Variants in NLRP7 observed in about 807,000 individuals in gnomAD.
NLRP7 encodes NLR family pyrin domain containing 7, also known as NACHT, LRR and PYD domains-containing protein 7.
A neutral mutation model predicts 85.5 loss-of-function variants in NLRP7; 72 were observed. That is an observed-to-expected ratio of 0.84 (90% CI 0.70 to 1.02). NLRP7 has a LOEUF of 1.02. Among genes scored for constraint, NLRP7 ranks in the 50% least tolerant of loss-of-function variants. The pLI is 0.00. For missense variants in NLRP7, 1,243 were observed against 1,219.5 expected, an observed-to-expected ratio of 1.02 and a Z score of -0.29; for synonymous variants, 550 against 505.2, an observed-to-expected ratio of 1.09 and a Z score of -1.19.
chr19:54,946,897 C>A (rs1484532650), intron 1 of NLRP7, among the ~76,000 whole-genome samples: 2 of 151,896 alleles, frequency 1.3e-5, no homozygotes, highest in Non-Finnish European at 2.9e-5. Context: ...GCCTCGGCCT[C>A]CCAAAGTGTT....
At chr19:54,960,885 A>ACACTGGGCCCCC (rs1555750594) in intron 1 of NLRP7, among the ~76,000 whole-genome samples, 6 of 151,812 alleles carry the variant, frequency 4.0e-5, no homozygotes, top group South Asian at 2.1e-4. Context: ...GTGAGCCACC[A>ACACTGGGCCCCC]TGCCCAGCAC....
intron 1 of NLRP7, among the ~76,000 whole-genome samples, chr19:54,961,488 G>C (rs1222567983): frequency 6.9e-6 from 1 of 145,806 alleles, no homozygotes; most frequent in Non-Finnish European, 1.5e-5. Context: ...ACAACAGAGA[G>C]ACTTCATCTC....
In NLRP7 at chr19:54,938,257, C is replaced by A. The variant is rs181132927; in HGVS notation, c.1932-16G>T. 3 of 1,610,778 alleles carry A rather than the reference C, an allele frequency of 1.9e-6. No individual in the cohort carries two copies. Among genetic ancestry groups the A allele is most frequent in the Non-Finnish European group, 2.5e-6 (3 of 1,177,070 alleles). ...GTAAGTGCACCTGCAGGAGAACACA[C>A]GTTCATCTCTTAGGACTAGTACCTG... On this transcript the variant is annotated splice_polypyrimidine_tract_variant and intron_variant, in intron 4 of 9. Transcript: ENST00000340844.
chr19:54,942,255 CAAAAAAAAAAAAAAA>C (rs576434793), intron 1 of NLRP7, among the ~76,000 whole-genome samples: 1 of 59,442 alleles, frequency 1.7e-5, no homozygotes, highest in Non-Finnish European at 3.1e-5. Flanking sequence ...GACTCCGTCT[CAAAAAAAAAAAAAAA>C]AAAAAAAAAA....
chr19:54,952,354 A>T (rs1349681411), upstream of NLRP7, among the ~76,000 whole-genome samples: 1 of 151,930 alleles, frequency 6.6e-6, no homozygotes, highest in Non-Finnish European at 1.5e-5. Flanking sequence ...GCACTTTGGG[A>T]GGCCAAGGCA....
At chr19:54,962,781 A>T (rs1174353710) in intron 1 of NLRP7, among the ~76,000 whole-genome samples, 1 of 149,396 alleles carries the variant, frequency 6.7e-6, no homozygotes, top group African/African-American at 2.5e-5. Flanking sequence ...TTGTATTTTT[A>T]GTAGAGACGG....
At chr19:54,953,640 T>C (rs947487580) in intron 1 of NLRP7, among the ~76,000 whole-genome samples, 1 of 151,502 alleles carries the variant, frequency 6.6e-6, no homozygotes. Flanking sequence ...AGTTTTTACT[T>C]TTTCTTTCTT....
intron 1 of NLRP7, among the ~76,000 whole-genome samples, chr19:54,958,986 T>G (rs189409844): frequency 6.6e-6 from 1 of 152,196 alleles, no homozygotes; most frequent in African/African-American, 2.4e-5. Flanking sequence ...ATGCCTGGAA[T>G]CTATGGATAA....
chr19:54,941,702 G>C (rs1305389659), exon 2 of NLRP7: 13 of 1,612,516 alleles, frequency 8.1e-6, no homozygotes, highest in Non-Finnish European at 1.0e-5. Flanking sequence ...TCTAGCTGGG[G>C]CGATGTCATA....
chr19:54,945,951 A>G (rs1320264575), intron 1 of NLRP7, among the ~76,000 whole-genome samples: 3 of 151,860 alleles, frequency 2.0e-5, no homozygotes, highest in Admixed American at 6.6e-5. Context: ...CACTATGCCC[A>G]GCTAATTTTT....
chr19:54,953,929 C>T (rs1206865729), intron 1 of NLRP7, among the ~76,000 whole-genome samples: 1 of 151,846 alleles, frequency 6.6e-6, no homozygotes, highest in Non-Finnish European at 1.5e-5. Context: ...ACGGCGTGAA[C>T]CCGGGTGATG....
rs1298399106 is a variant in NLRP7, at chr19:54,941,604, G to A, written c.108C>T (p.Asp36=). 5 of 1,613,914 alleles carry A rather than the reference G, an allele frequency of 3.1e-6. No homozygotes were observed. The East Asian group carries it at 6.7e-5, about 22-fold the overall frequency. ...CAGACCATGGGGTCTTCTGTAGCAC[G>A]TCTTCGAGGGGAAAAGCCCATAAAA... is the stretch of plus-strand genomic sequence containing the variant. The change falls in exon 2 of 10, where the codon GAC becomes GAT. Residue 36 remains aspartate, a synonymous_variant. Transcript: ENST00000340844.
At chr19:54,958,129 C>T (rs902538539) in intron 1 of NLRP7, among the ~76,000 whole-genome samples, 1 of 151,818 alleles carries the variant, frequency 6.6e-6, no homozygotes, top group African/African-American at 2.4e-5. Flanking sequence ...GCAGGAGAAT[C>T]GCTTGGTTTG....
chr19:54,950,097 C>A (rs1326730979), upstream of NLRP7, among the ~76,000 whole-genome samples: 1 of 149,876 alleles, frequency 6.7e-6, no homozygotes, highest in Admixed American at 6.6e-5. Context: ...GTTAGACTGT[C>A]TCAAAAAAAA....
intron 1 of NLRP7, among the ~76,000 whole-genome samples, chr19:54,952,689 T>C (rs554296695): frequency 3.3e-5 from 5 of 152,174 alleles, no homozygotes; most frequent in African/African-American, 1.2e-4. Flanking sequence ...TTAAACTTCC[T>C]TCTCTTCTGC....
At chr19:54,947,807 AT>A (rs1315497764), upstream of NLRP7, 1 of 414,612 alleles carries the variant, frequency 2.4e-6, no homozygotes, top group Admixed American at 3.3e-5. Context: ...GGAAATACAC[AT>A]TTTGGGTTTT....
At chr19:54,954,969 G>A (rs949055744) in intron 1 of NLRP7, among the ~76,000 whole-genome samples, 1 of 152,084 alleles carries the variant, frequency 6.6e-6, no homozygotes, top group Non-Finnish European at 1.5e-5. Flanking sequence ...GTCTCGCCCT[G>A]AATTCTTTCT....
chr19:54,932,323 G>A (rs959555050), intron 8 of NLRP7, among the ~76,000 whole-genome samples: 19 of 151,970 alleles, frequency 1.3e-4, no homozygotes, highest in African/African-American at 4.1e-4. Flanking sequence ...AGCTACTTGG[G>A]AGGCTGAGGC....
intron 1 of NLRP7, 99 bp from the exon 2 acceptor site, chr19:54,941,849 G>A (rs1033739137): frequency 8.9e-6 from 8 of 898,148 alleles, no homozygotes; most frequent in Non-Finnish European, 1.3e-5. Context: ...GCTGTACAGT[G>A]AGTGGTAAAA....
Sources: allele counts gnomAD v4.1 joint callset (sites outside exome capture counted in the v4.1 genomes callset), GRCh38; gene constraint gnomAD v4.1.1; transcripts MANE v1.5; gene names NCBI Gene and HGNC (gene_info 2026-07-23, HGNC 2026-07-21).